Variants in PTPRH observed in about 807,000 individuals in gnomAD.
PTPRH encodes the protein receptor-type tyrosine-protein phosphatase H.
Under a neutral mutation model 130.2 loss-of-function variants are expected in PTPRH, and 113 were observed. The ratio of observed to expected loss-of-function variants is 0.87; its 90% CI spans 0.75 to 1.01. The LOEUF is 1.01. PTPRH is among the 50% of genes least tolerant of loss of function. The pLI, the probability that PTPRH is intolerant of heterozygous loss-of-function variation, is 0.00. For missense variants in PTPRH, 1,430 were observed against 1,425.0 expected (o/e 1.00, Z -0.06); for synonymous variants, 556 against 577.9 (o/e 0.96, Z 0.54).
chr19:55,198,010 C>T (rs148575742), intron 8 of PTPRH, among the ~76,000 whole-genome samples: 6 of 152,210 alleles, frequency 3.9e-5, no homozygotes, highest in Middle Eastern at 3.4e-3. Flanking sequence ...CCCAAGAATT[C>T]GACACCAGCT....
intron 6 of PTPRH, among the ~76,000 whole-genome samples, chr19:55,200,909 CT>C (rs1249630331): frequency 6.6e-6 from 1 of 151,666 alleles, no homozygotes; most frequent in African/African-American, 2.4e-5. Flanking sequence ...CGCCACTGCA[CT>C]CCAGCCTGGG....
intron 10 of PTPRH, among the ~76,000 whole-genome samples, chr19:55,195,188 G>T (rs1308021589): frequency 6.6e-6 from 1 of 152,158 alleles, no homozygotes; most frequent in Admixed American, 6.5e-5. Flanking sequence ...AGCTGGGCGT[G>T]GTAGGAGGCG....
In PTPRH at chr19:55,204,062, A is replaced by G. The variant is rs1568925492; in HGVS notation, c.620-14T>C. On this transcript the variant is annotated splice_polypyrimidine_tract_variant and intron_variant, in intron 4 of 19. Coordinates refer to ENST00000376350, the MANE Select transcript of PTPRH (RefSeq NM_002842.5). ...CTGGGTTGTGAGCTGAGAAATTAGG[A>G]AGAAAGATCTAATATGAGCAGGACT... is the stretch of plus-strand genomic sequence containing the variant. 2 of 1,604,752 alleles carry G rather than the reference A, an allele frequency of 1.2e-6. No homozygotes were observed. Among genetic ancestry groups the G allele is most frequent in the African/African-American group, 1.3e-5 (1 of 74,622 alleles).
rs776785131 is a variant in PTPRH, at chr19:55,185,636, CACAG to C, written c.2924_2927del (p.Ser975CysfsTer77). On this transcript the variant is annotated frameshift_variant, in exon 18 of 20. Transcript: ENST00000376350. ...GCCAGGCCTGGTAGTGGAATTGGCG[CACAG>C]ACAGTGTCTTCTGCTCCTCCACCTG... is the stretch of plus-strand genomic sequence containing the variant. The C allele has an allele frequency of 5.6e-6, 9 of 1,614,058 alleles. No individual in the cohort carries two copies. The highest frequency in any genetic ancestry group is 1.6e-4 in the Middle Eastern group (1 of 6,082).
intron 14 of PTPRH, among the ~76,000 whole-genome samples, chr19:55,187,116 C>T (rs1322803230): frequency 1.3e-4 from 20 of 150,388 alleles, no homozygotes; most frequent in Admixed American, 2.0e-4. Flanking sequence ...GAGGCCGAGG[C>T]GGGCAGATCA....
At chr19:55,198,517 G>T in intron 8 of PTPRH, 126 bp downstream of exon 8, 1 of 1,060,444 alleles carries the variant, frequency 9.4e-7, no homozygotes, top group Non-Finnish European at 1.3e-6. Flanking sequence ...ACAGGTTTAA[G>T]CTCCGGCCGG....
At chr19:55,199,257 T>C (rs2086781990) in intron 7 of PTPRH, among the ~76,000 whole-genome samples, 5 of 151,926 alleles carry the variant, frequency 3.3e-5, no homozygotes, top group Admixed American at 3.3e-4. Flanking sequence ...CAGTGAGCTA[T>C]GATTGTGCCT....
Position 55,206,948 on chromosome 19 carries a change from G to A in PTPRH, c.93C>T (p.Asn31=). The A allele has an allele frequency of 6.3e-7, 1 of 1,592,830 alleles. No homozygotes were observed. Among genetic ancestry groups the A allele is most frequent in the Non-Finnish European group, 8.6e-7 (1 of 1,166,948 alleles). Residue 31 remains asparagine, a synonymous_variant, in exon 3 of 20, where the codon AAC becomes AAT. Coordinates refer to ENST00000376350, the MANE Select transcript of PTPRH (RefSeq NM_002842.5). The part of the protein sequence containing the change: ...SWTGARAPAP[N]PGRNLTVETQ... The stretch of plus-strand genomic sequence containing the variant: ...TCTCCACTGTCAGGTTCCTCCCTGG[G>A]TTGGGGGCTGAGAATTGGGAAGGAA...
chr19:55,184,420 CAG>C (rs1459398923), intron 18 of PTPRH, among the ~76,000 whole-genome samples: 1 of 152,200 alleles, frequency 6.6e-6, no homozygotes, highest in Non-Finnish European at 1.5e-5. Flanking sequence ...GCCCCAGTCT[CAG>C]GGGCTGTTAC....
rs574069561 is a variant in PTPRH, at chr19:55,198,686, C to T, written c.1647G>A (p.Arg549=). 14 of 1,613,646 alleles carry T rather than the reference C, an allele frequency of 8.7e-6. No homozygotes were observed. In the African/African-American group the frequency reaches 1.6e-4, roughly 18 times the overall value. Residue 549 remains arginine (R), a synonymous_variant, in exon 8 of 20, where the codon AGG becomes AGA. Coordinates refer to ENST00000376350, the MANE Select transcript of PTPRH (RefSeq NM_002842.5). ...SLYHLTVWAE[R]NEVRGYNSTL... is the part of the protein sequence containing the mutation. ...TGCTGTTATAGCCTCTGACCTCATTCCTCTCGGCCCAGACGGTGAGGTGGT... is the reference window on the plus strand; with the variant it reads ...TGCTGTTATAGCCTCTGACCTCATTTCTCTCGGCCCAGACGGTGAGGTGGT...
rs577863892 is a variant in PTPRH at position 55,190,991 on chromosome 19, G to A, written c.2384+510C>T. 5.9e-5 allele frequency among the ~76,000 whole-genome samples: 9 copies of A among 152,124 alleles called. No homozygotes were observed. The South Asian group carries it at 1.9e-3, about 32-fold the overall frequency. On this transcript the variant is annotated intron_variant, in intron 12 of 19. Coordinates refer to ENST00000376350, the MANE Select transcript of PTPRH (RefSeq NM_002842.5). ...CAAGTAGCTGGGACTATAGGTGCCC[G>A]CCACCAAGCCTGGCTAATTTTTTGT...
At chr19:55,207,491 G>A (rs1212017835) in intron 1 of PTPRH, among the ~76,000 whole-genome samples, 2 of 152,202 alleles carry the variant, frequency 1.3e-5, no homozygotes, top group African/African-American at 4.8e-5. Flanking sequence ...TTGGAAAACC[G>A]AGGGCAGAGA....
At chr19:55,190,942 C>T (rs997341778) in intron 12 of PTPRH, among the ~76,000 whole-genome samples, 2 of 152,026 alleles carry the variant, frequency 1.3e-5, no homozygotes, top group Non-Finnish European at 2.9e-5. Context: ...CCCAGGTTCA[C>T]GCCATTCTCC....
At position 55,196,766 on chromosome 19, in the gene PTPRH, A is replaced by G; in HGVS notation, c.2013T>C (p.Thr671=). ...AGCCCGCTGAGGTGCTGACACAGGA[A>G]GTGATGGTGACTGTGTCTGGGTCTG... The part of the protein sequence containing the change: ...ASTYPDTVTI[T]SCVSTSAGYG... Residue 671 remains threonine (T), a synonymous_variant, in exon 10 of 20, where the codon ACT becomes ACC. Transcript: ENST00000376350. 1.2e-6 allele frequency: 2 copies of G among 1,613,950 alleles called. No individual in the cohort carries two copies. The highest frequency in any genetic ancestry group is 1.7e-6 in the Non-Finnish European group (2 of 1,179,830).
intron 13 of PTPRH, 54 bp from the exon 14 acceptor site, chr19:55,187,657 CG>C (rs2086401105): frequency 1.4e-6 from 2 of 1,380,936 alleles, no homozygotes; most frequent in Non-Finnish European, 2.1e-6. Context: ...TACTTTCCCT[CG>C]GGGGTACCCC....
At position 55,197,353 on chromosome 19, in the gene PTPRH, C is replaced by A. The variant is rs755545096; in HGVS notation, c.1754G>T (p.Trp585Leu). 1.9e-6 allele frequency: 3 copies of A among 1,614,084 alleles called. No homozygotes were observed. In the South Asian group the frequency reaches 3.3e-5, roughly 18 times the overall value. Residue 585 changes from tryptophan (W) to leucine (L), a missense_variant, in exon 9 of 20, where the codon TGG (tryptophan) becomes TTG (leucine). Coordinates refer to ENST00000376350, the MANE Select transcript of PTPRH (RefSeq NM_002842.5). ...AGAGTGGGGGTCTCCAGGGGCCTTC[C>A]ACCACAGCATGACTGAGTTCTTAGT... ...TQTKNSVMLWWKAPGDPHSQL... is the reference protein window; with the variant it reads ...TQTKNSVMLWLKAPGDPHSQL...
rs751261443 is a variant in PTPRH at position 55,205,403 on chromosome 19, C to T, written c.542G>A (p.Gly181Glu). 2 of 1,614,216 alleles carry T rather than the reference C, an allele frequency of 1.2e-6. No individual in the cohort carries two copies. The highest frequency in any genetic ancestry group is 2.2e-5 in the South Asian group (2 of 91,084). Residue 181 changes from glycine to glutamate, a missense_variant, in exon 4 of 20, where the codon GGG becomes GAG. By Grantham distance (98) the Gly-to-Glu change is moderately conservative. Transcript: ENST00000376350. Reference sequence around the variant, plus strand: ...CCACATGGAAAACGCATACAAACACCCGGGTTCAAGTCCATCCACGGTGAT... The same window carrying T: ...CCACATGGAAAACGCATACAAACACTCGGGTTCAAGTCCATCCACGGTGAT... ...TNITVDGLEPGCLYAFSMWVG... is the reference protein window; with the variant it reads ...TNITVDGLEPECLYAFSMWVG...
intron 1 of PTPRH, 161 bp from the exon 2 acceptor site, chr19:55,207,360 T>C: frequency 1.4e-6 from 1 of 722,260 alleles, no homozygotes. Context: ...TCGACCGTCT[T>C]TCCTGGGTCG....
intron 10 of PTPRH, among the ~76,000 whole-genome samples, chr19:55,193,650 C>A (rs546446157): frequency 5.9e-5 from 9 of 152,084 alleles, no homozygotes; most frequent in Non-Finnish European, 7.4e-5. Context: ...ACGGCCCCCC[C>A]ACAACAAAGA....
Sources: allele counts gnomAD v4.1 joint callset (sites outside exome capture counted in the v4.1 genomes callset), GRCh38; gene constraint gnomAD v4.1.1; transcripts MANE v1.5; gene names NCBI Gene and HGNC (gene_info 2026-07-23, HGNC 2026-07-21).